The following OFD1 variants were observed in gnomAD, a reference collection of about 807,000 sequenced individuals.
The protein encoded by OFD1 is centriole and centriolar satellite protein OFD1.
In OFD1, 12 loss-of-function variants were observed where a neutral mutation model predicts 81.4. That is an observed-to-expected ratio of 0.15 (90% confidence interval 0.09 to 0.24). OFD1 has a LOEUF of 0.24. Ranked by LOEUF, OFD1 falls within the 10% of genes least tolerant of loss-of-function variation. The pLI is 1.00. For missense variants in OFD1, 685 were observed against 733.9 expected, an observed-to-expected ratio of 0.93 and a Z score of 0.77; for synonymous variants, 256 against 263.7, an observed-to-expected ratio of 0.97 and a Z score of 0.28.
At chrX:13,772,592 C>T (rs2048321511), downstream of OFD1, 4 of 264,156 alleles carry the variant, frequency 1.5e-5, no homozygotes, top group Non-Finnish European at 6.8e-6. Context: ...GGTAGAATTG[C>T]CCTAGCAATA....
chrX:13,759,597 G>T (rs2047849928), intron 15 of OFD1, among the ~76,000 whole-genome samples: 1 of 112,021 alleles, frequency 8.9e-6, no homozygotes, highest in South Asian at 3.7e-4. Flanking sequence ...CCACAGTGTT[G>T]TTGTGAATGC....
chrX:13,740,198 A>G lies in OFD1; in HGVS notation c.412+1166A>G, dbSNP rs759403833. On this transcript the variant is annotated intron_variant, in intron 5 of 22. Coordinates refer to ENST00000340096, the MANE Select transcript of OFD1 (RefSeq NM_003611.3). ...ACTGCCCGCAAACTAGACCATCTCT[A>G]CTGAAGTTCAGTATGGTAAATGATC... 4 of 948,912 alleles carry G rather than the reference A, an allele frequency of 4.2e-6. No homozygotes were observed. In the Admixed American group the frequency reaches 9.2e-5, roughly 22 times the overall value. The allele number at this position is 948,912 out of a possible 1,213,427, so 78.2% of individuals were successfully genotyped here. A position where few individuals can be genotyped will look rare whatever the true frequency, so the allele number is the denominator to read the frequency against.
chrX:13,735,743 T>A (rs12012058), intron 2 of OFD1, among the ~76,000 whole-genome samples: 1 of 112,243 alleles, frequency 8.9e-6, no homozygotes, highest in Non-Finnish European at 1.9e-5. Flanking sequence ...AGTGTACTGC[T>A]TAATAATAGT....
intron 15 of OFD1, among the ~76,000 whole-genome samples, chrX:13,758,783 C>T (rs1035812272): frequency 5.4e-5 from 6 of 111,361 alleles, no homozygotes; most frequent in African/African-American, 2.0e-4. Flanking sequence ...AGTAGTTTTA[C>T]GGATTCCTTG....
intron 10 of OFD1, chrX:13,752,752 A>C: frequency 2.1e-6 from 2 of 971,809 alleles, no homozygotes; most frequent in East Asian, 7.5e-5. Context: ...TCCTCATATG[A>C]CTTTGGCAGG....
At chrX:13,724,019 C>G in the OFD1 span, among the ~76,000 whole-genome samples, 9 of 111,717 alleles carry the variant, frequency 8.1e-5, no homozygotes, top group African/African-American at 2.9e-4. Context: ...AGAATGGTCA[C>G]AGCAATGTGA....
downstream of OFD1, chrX:13,771,261 G>A (rs2048292514): frequency 9.0e-6 from 1 of 111,311 alleles, no homozygotes; most frequent in African/African-American, 3.3e-5. Context: ...GCCTCTTCTA[G>A]AACACTGGAC....
the OFD1 span, chrX:13,716,454 C>T: frequency 9.0e-7 from 1 of 1,110,619 alleles, no homozygotes; most frequent in Non-Finnish European, 1.2e-6. Flanking sequence ...AGACTCAGAG[C>T]CTGGCATCTA....
chrX:13,719,999 T>C, the OFD1 span: 1 of 1,014,682 alleles, frequency 9.9e-7, no homozygotes. Context: ...AAGTGAAAAA[T>C]AGTACATATT....
At chrX:13,724,400 TAAAA>T in the OFD1 span, among the ~76,000 whole-genome samples, 1 of 82,313 alleles carries the variant, frequency 1.2e-5, no homozygotes, top group Non-Finnish European at 2.4e-5. Flanking sequence ...AATATATATT[TAAAA>T]AAAAAAAAAA....
intron 15 of OFD1, among the ~76,000 whole-genome samples, chrX:13,759,199 C>T (rs2047830878): frequency 8.9e-6 from 1 of 112,006 alleles, no homozygotes; most frequent in Non-Finnish European, 1.9e-5. Context: ...TCTGAGCCTT[C>T]CTTGTTCCCA....
chrX:13,772,920 G>T (rs2048327405), downstream of OFD1: 1 of 1,208,714 alleles, frequency 8.3e-7, no homozygotes, highest in Non-Finnish European at 1.1e-6. Flanking sequence ...ACCGAGACTG[G>T]ATATCTTGCA....
At chrX:13,755,338 T>A in intron 12 of OFD1, 96 bp downstream of exon 12, 1 of 592,142 alleles carries the variant, frequency 1.7e-6, no homozygotes, top group Non-Finnish European at 2.8e-6. Context: ...TGTTGAGATG[T>A]TTGGACTGCC....
the OFD1 span, among the ~76,000 whole-genome samples, chrX:13,726,585 T>TA: frequency 9.0e-6 from 1 of 111,665 alleles, no homozygotes; most frequent in Admixed American, 9.5e-5. Flanking sequence ...AGGCCTGCCT[T>TA]ACAAGAGCTC....
chrX:13,768,857 T>A, intron 22 of OFD1, 72 bp downstream of exon 22: 3 of 914,157 alleles, frequency 3.3e-6, no homozygotes, highest in Non-Finnish European at 4.8e-6. Flanking sequence ...GAGAAACAGA[T>A]GTTTGAGATT....
At chrX:13,756,067 G>C (rs2047698940) in intron 12 of OFD1, among the ~76,000 whole-genome samples, 1 of 100,687 alleles carries the variant, frequency 9.9e-6, no homozygotes, top group Non-Finnish European at 2.0e-5. Context: ...TGATTCTCAT[G>C]TCTCAGCTCC....
At position 13,751,317 on chromosome X, in the gene OFD1, T is replaced by TA. The variant is rs749448671; in HGVS notation, c.1007dup (p.Ser337GlufsTer3). 1.7e-5 allele frequency: 21 copies of TA among 1,204,155 alleles called. No individual in the cohort carries two copies. The Admixed American group carries it at 4.1e-4, about 24-fold the overall frequency. On this transcript the variant is annotated frameshift_variant, in exon 10 of 23. Coordinates refer to ENST00000340096, the MANE Select transcript of OFD1 (RefSeq NM_003611.3). LOFTEE classifies it high-confidence loss of function. Reference sequence around the variant, plus strand: ...GCACTTAGGAGACAGGAGCAGAATATAAAGAGTTTTGAGGAGACCTATGAC... The same window carrying TA: ...GCACTTAGGAGACAGGAGCAGAATATAAAAGAGTTTTGAGGAGACCTATGAC...
chrX:13,723,005 G>GA, the OFD1 span, among the ~76,000 whole-genome samples: 2 of 107,201 alleles, frequency 1.9e-5, no homozygotes, highest in Non-Finnish European at 3.8e-5. Context: ...GGAGCCAGAA[G>GA]AATGGTGTGA....
intron 19 of OFD1, among the ~76,000 whole-genome samples, chrX:13,764,949 T>C (rs1345329212): frequency 9.0e-6 from 1 of 111,068 alleles, no homozygotes; most frequent in African/African-American, 3.3e-5. Context: ...AGCAGCTGAG[T>C]AGGGGCCGTG....
Sources: allele counts gnomAD v4.1 joint callset (sites outside exome capture counted in the v4.1 genomes callset), GRCh38; gene constraint gnomAD v4.1.1; transcripts MANE v1.5; gene names NCBI Gene and HGNC (gene_info 2026-07-23, HGNC 2026-07-21).